Variants in GRAP2 observed in about 807,000 individuals in gnomAD.
GRAP2 encodes GRB2-related adapter protein 2.
In GRAP2, 31 loss-of-function variants were observed where a neutral mutation model predicts 43.5. The ratio of observed to expected loss-of-function variants is 0.71; its 90% CI spans 0.54 to 0.96. The LOEUF is 0.96. Among genes scored for constraint, GRAP2 ranks in the 40% least tolerant of loss-of-function variants. The pLI is 0.00. For synonymous variants in GRAP2, 156 were observed against 164.8 expected (o/e 0.95, Z 0.41); for missense variants, 371 against 424.4 (o/e 0.87, Z 1.11).
chr22:39,910,960 AT>A (rs2066559320), intron 1 of GRAP2, among the ~76,000 whole-genome samples: 1 of 152,074 alleles, frequency 6.6e-6, no homozygotes, highest in Non-Finnish European at 1.5e-5. Flanking sequence ...CTATCCATAA[AT>A]TCTCTGCAAC....
At position 39,972,313 on chromosome 22, in the gene GRAP2, A is replaced by C. The variant is rs2067253947; in HGVS notation, c.*1229A>C. The C allele has an allele frequency of 6.6e-6, 1 of 152,430 alleles. No individual in the cohort carries two copies. The highest frequency in any genetic ancestry group is 1.5e-5 in the Non-Finnish European group (1 of 68,178). The allele number at this position is 152,430 out of a possible 1,614,324, so 9.4% of individuals were successfully genotyped here. A position where few individuals can be genotyped will look rare whatever the true frequency, so the allele number is the denominator to read the frequency against. ...AGGGCCTTAGGGGAGGCCGGGTGCA[A>C]ACCCGTTCTGCACCAAGTGCACTCG... On this transcript the variant is annotated 3_prime_UTR_variant, in exon 8 of 8. Transcript: ENST00000344138.
chr22:39,968,992 C>T (rs1701095081), intron 6 of GRAP2, among the ~76,000 whole-genome samples: 1 of 152,172 alleles, frequency 6.6e-6, no homozygotes, highest in Non-Finnish European at 1.5e-5. Flanking sequence ...AGCTGGAGTT[C>T]AAGCATGACC....
intron 4 of GRAP2, among the ~76,000 whole-genome samples, chr22:39,964,946 T>C (rs2067157226): frequency 6.6e-6 from 1 of 152,212 alleles, no homozygotes; most frequent in Non-Finnish European, 1.5e-5. Context: ...CCAAGCTCAC[T>C]AGACTGGAGT....
intron 1 of GRAP2, among the ~76,000 whole-genome samples, chr22:39,924,701 C>CAA (rs1049475917): frequency 7.1e-6 from 1 of 140,066 alleles, no homozygotes; most frequent in Non-Finnish European, 1.6e-5. Flanking sequence ...GACTCCGTCT[C>CAA]AAAAAAAAAA....
At chr22:39,922,251 T>G (rs1032486685) in intron 1 of GRAP2, among the ~76,000 whole-genome samples, 4 of 152,050 alleles carry the variant, frequency 2.6e-5, no homozygotes, top group Admixed American at 6.5e-5. Context: ...AATGAGAAGA[T>G]GAGGCCAGGG....
rs939398261 is a variant in GRAP2, at chr22:39,968,123, T to G, written c.541T>G (p.Ser181Ala). The change falls in exon 6 of 8, where the codon TCG (serine) becomes GCG (alanine). Residue 181 changes from serine to alanine, a missense_variant. Ser to Ala is a moderately conservative substitution (Grantham distance 99). Transcript: ENST00000344138. The part of the protein sequence containing the change: ...SGAVGEEIRP[S>A]MNRKLSDHPP... Reference sequence around the variant, plus strand: ...GGCTGTGGGAGAAGAAATCCGACCTTCGATGAACCGGAAGCTGTCGGATCA... The same window carrying G: ...GGCTGTGGGAGAAGAAATCCGACCTGCGATGAACCGGAAGCTGTCGGATCA... The G allele has an allele frequency of 6.2e-7, 1 of 1,608,460 alleles. No individual in the cohort carries two copies. Among genetic ancestry groups the G allele is most frequent in the Non-Finnish European group, 8.5e-7 (1 of 1,177,450 alleles).
At chr22:39,951,128 A>G (rs2066977864) in intron 2 of GRAP2, among the ~76,000 whole-genome samples, 1 of 152,208 alleles carries the variant, frequency 6.6e-6, no homozygotes, top group African/African-American at 2.4e-5. Flanking sequence ...CTAGATGGTG[A>G]TCTACACGGC....
At chr22:39,929,615 G>A (rs1034070264) in intron 1 of GRAP2, among the ~76,000 whole-genome samples, 5 of 151,992 alleles carry the variant, frequency 3.3e-5, no homozygotes, top group African/African-American at 7.2e-5. Context: ...GAACTCCTCC[G>A]CATGACCAAG....
intron 1 of GRAP2, among the ~76,000 whole-genome samples, chr22:39,916,108 A>C (rs1242426039): frequency 2.0e-5 from 3 of 152,220 alleles, no homozygotes; most frequent in Non-Finnish European, 4.4e-5. Context: ...GCCCCAGATT[A>C]AGTGAATCTC....
At chr22:39,951,364 C>G (rs894996738) in intron 2 of GRAP2, among the ~76,000 whole-genome samples, 1 of 152,230 alleles carries the variant, frequency 6.6e-6, no homozygotes, top group Non-Finnish European at 1.5e-5. Context: ...CTGTCTCCTT[C>G]TGTAATGCAG....
intron 3 of GRAP2, among the ~76,000 whole-genome samples, chr22:39,956,877 G>A (rs1041820207): frequency 1.3e-5 from 2 of 152,016 alleles, no homozygotes; most frequent in African/African-American, 2.4e-5. Context: ...ACCCCACTTC[G>A]GGAGCTGCTC....
At chr22:39,939,726 T>A (rs2066846677) in intron 1 of GRAP2, among the ~76,000 whole-genome samples, 1 of 151,878 alleles carries the variant, frequency 6.6e-6, no homozygotes, top group African/African-American at 2.4e-5. Context: ...CTGGCCAGCA[T>A]GGCGAAACCC....
upstream of GRAP2, among the ~76,000 whole-genome samples, chr22:39,897,288 T>C (rs573947565): frequency 6.6e-6 from 1 of 152,290 alleles, no homozygotes; most frequent in South Asian, 2.1e-4. Context: ...TTGTCTCTTA[T>C]AGCTCTCATG....
In GRAP2 at chr22:39,919,703, A is replaced by G. The variant is rs575961042; in HGVS notation, c.-15+18373A>G. On this transcript the variant is annotated intron_variant, in intron 1 of 7. Transcript: ENST00000344138. ...GAACAGATAGCCATAGAAGTACCCC[A>G]CTAAATCCATTCTTCTATCTCCTTC... Among the ~76,000 whole-genome samples, 133 of 152,368 alleles carry G rather than the reference A, an allele frequency of 8.7e-4. 1 individual carries two copies. Among genetic ancestry groups the G allele is most frequent in the African/African-American group, 3.1e-3 (130 of 41,582 alleles).
intron 1 of GRAP2, among the ~76,000 whole-genome samples, chr22:39,927,713 G>C (rs1001833707): frequency 6.6e-6 from 1 of 151,906 alleles, no homozygotes; most frequent in African/African-American, 2.4e-5. Flanking sequence ...GGCCATTTCC[G>C]GGGCCAAGTT....
intron 2 of GRAP2, among the ~76,000 whole-genome samples, chr22:39,953,700 C>T (rs2067014955): frequency 6.6e-6 from 1 of 152,240 alleles, no homozygotes. Context: ...GCCTTTAACT[C>T]CTGGGCTCAC....
chr22:39,911,609 A>C (rs1042269149), intron 1 of GRAP2, among the ~76,000 whole-genome samples: 2 of 152,112 alleles, frequency 1.3e-5, no homozygotes, highest in African/African-American at 4.8e-5. Flanking sequence ...TTCAAAACAC[A>C]TCCCTGAGAG....
chr22:39,926,880 T>C (rs2066707189), intron 1 of GRAP2: 4 of 978,582 alleles, frequency 4.1e-6, no homozygotes, highest in African/African-American at 1.8e-5. Context: ...TTATCGTGAT[T>C]GGAATGGGGA....
chr22:39,938,846 A>G (rs1006079923), intron 1 of GRAP2, among the ~76,000 whole-genome samples: 1 of 152,188 alleles, frequency 6.6e-6, no homozygotes, highest in African/African-American at 2.4e-5. Flanking sequence ...CCCTGGGGCT[A>G]CTGTTCAAAC....
Sources: allele counts gnomAD v4.1 joint callset (sites outside exome capture counted in the v4.1 genomes callset), GRCh38; gene constraint gnomAD v4.1.1; transcripts MANE v1.5; gene names NCBI Gene and HGNC (gene_info 2026-07-23, HGNC 2026-07-21).